The following NUDT3 variants were observed in gnomAD, a reference collection of about 807,000 sequenced individuals.
NUDT3 encodes the protein nudix hydrolase 3.
Under a neutral mutation model 23.6 loss-of-function variants are expected in NUDT3, and 9 were observed. The ratio of observed to expected loss-of-function variants is 0.38; its 90% CI spans 0.23 to 0.66. The LOEUF (loss-of-function observed/expected upper bound fraction) is 0.66, where lower values mean the gene tolerates loss of function less well. NUDT3 is among the 30% of genes least tolerant of loss of function. The pLI is 0.52. For synonymous variants in NUDT3, 86 were observed against 82.6 expected (o/e 1.04, Z -0.22); for missense variants, 172 against 218.5 (o/e 0.79, Z 1.34).
chr6:34,301,777 C>T (rs890559977), intron 2 of NUDT3, among the ~76,000 whole-genome samples: 1 of 151,860 alleles, frequency 6.6e-6, no homozygotes, highest in Non-Finnish European at 1.5e-5. Context: ...CTGATACACT[C>T]TCCAAAGTAC....
chr6:34,381,429 C>A (rs961640155), intron 1 of NUDT3, among the ~76,000 whole-genome samples: 1 of 151,240 alleles, frequency 6.6e-6, no homozygotes, highest in Admixed American at 6.6e-5. Context: ...CTTTTGTAAC[C>A]AAAAATAATA....
intron 1 of NUDT3, among the ~76,000 whole-genome samples, chr6:34,358,903 C>A (rs926367475): frequency 6.6e-6 from 1 of 152,104 alleles, no homozygotes; most frequent in Non-Finnish European, 1.5e-5. Context: ...ATAGTTATTG[C>A]AAGGAAAATA....
At chr6:34,313,240 A>G (rs1202217624) in intron 2 of NUDT3, among the ~76,000 whole-genome samples, 1 of 152,174 alleles carries the variant, frequency 6.6e-6, no homozygotes, top group Non-Finnish European at 1.5e-5. Context: ...TACTAAGTGG[A>G]AGAAGTCAAT....
At chr6:34,315,421 G>A (rs1340149701) in intron 2 of NUDT3, among the ~76,000 whole-genome samples, 1 of 152,164 alleles carries the variant, frequency 6.6e-6, no homozygotes, top group Non-Finnish European at 1.5e-5. Context: ...TTTGAAAGCT[G>A]CAATAAGCTG....
intron 1 of NUDT3, among the ~76,000 whole-genome samples, chr6:34,365,246 A>G (rs975670334): frequency 1.3e-5 from 2 of 151,900 alleles, no homozygotes; most frequent in African/African-American, 4.8e-5. Flanking sequence ...CCTGGCCAAC[A>G]TGATGAAACC....
intron 2 of NUDT3, among the ~76,000 whole-genome samples, chr6:34,333,745 C>T (rs927220684): frequency 2.0e-5 from 3 of 152,330 alleles, no homozygotes; most frequent in Admixed American, 1.3e-4. Context: ...ACTCTGAGCA[C>T]AGCTAAGAGA....
chr6:34,335,953 A>T (rs991470898), intron 2 of NUDT3, among the ~76,000 whole-genome samples: 10 of 152,098 alleles, frequency 6.6e-5, no homozygotes, highest in African/African-American at 1.9e-4. Flanking sequence ...GAGTACAGTG[A>T]CATTTTGCTA....
At chr6:34,358,924 A>C (rs937703699) in intron 1 of NUDT3, among the ~76,000 whole-genome samples, 1 of 152,248 alleles carries the variant, frequency 6.6e-6, no homozygotes, top group African/African-American at 2.4e-5. Flanking sequence ...TTTTTATGTA[A>C]TTTCAAGTAC....
chr6:34,298,920 C>T (rs1211516048), intron 2 of NUDT3, among the ~76,000 whole-genome samples: 3 of 152,100 alleles, frequency 2.0e-5, no homozygotes, highest in Non-Finnish European at 4.4e-5. Flanking sequence ...GGAAGAGGTC[C>T]CCCCTTTAGT....
rs537343936 is a variant in NUDT3 at position 34,280,282 on chromosome 6, C to G, written c.*8471G>C. ...ACACGGGGAAGAGGCCAGCCCTGAGCGGGCAAGAAGAAAAGCTTGAACTTT... is the reference window on the plus strand; with the variant it reads ...ACACGGGGAAGAGGCCAGCCCTGAGGGGGCAAGAAGAAAAGCTTGAACTTT... On this transcript the variant is annotated 3_prime_UTR_variant, in exon 5 of 5. Coordinates refer to ENST00000607016, the MANE Select transcript of NUDT3 (RefSeq NM_006703.4). The G allele has an allele frequency of 6.6e-6, 1 of 152,208 alleles. No homozygotes were observed. The highest frequency in any genetic ancestry group is 2.4e-5 in the African/African-American group (1 of 41,440). 9.4% of individuals were successfully genotyped at this position (152,208 alleles called of 1,614,324 possible). A position where few individuals can be genotyped will look rare whatever the true frequency, so the allele number is the denominator to read the frequency against.
At chr6:34,300,254 C>T (rs565150527) in intron 2 of NUDT3, among the ~76,000 whole-genome samples, 7 of 152,292 alleles carry the variant, frequency 4.6e-5, no homozygotes. Flanking sequence ...GGAATCCTGA[C>T]TTTGTTGGCA....
At chr6:34,379,270 T>G (rs1410880001) in intron 1 of NUDT3, among the ~76,000 whole-genome samples, 1 of 152,130 alleles carries the variant, frequency 6.6e-6, no homozygotes, top group Admixed American at 6.5e-5. Context: ...ATTATAAAAG[T>G]AATCCATGGT....
chr6:34,307,000 C>G (rs1386535589), intron 2 of NUDT3, among the ~76,000 whole-genome samples: 1 of 152,046 alleles, frequency 6.6e-6, no homozygotes. Flanking sequence ...AACAATGTGG[C>G]CTATGCGCAA....
intron 2 of NUDT3, among the ~76,000 whole-genome samples, chr6:34,333,243 T>A (rs1038651074): frequency 6.6e-6 from 1 of 152,248 alleles, no homozygotes; most frequent in African/African-American, 2.4e-5. Context: ...GTCAAATGCT[T>A]CAGATTTATC....
At chr6:34,317,307 C>G (rs1381522695) in intron 2 of NUDT3, among the ~76,000 whole-genome samples, 1 of 152,028 alleles carries the variant, frequency 6.6e-6, no homozygotes, top group African/African-American at 2.4e-5. Flanking sequence ...AGATTACTCA[C>G]CCATCCACAC....
chr6:34,375,789 T>C (rs3798560), intron 1 of NUDT3, among the ~76,000 whole-genome samples: 49,628 of 152,044 alleles, frequency 0.33, 9,740 homozygotes, highest in African/African-American at 0.51. Flanking sequence ...ATCTTACCAT[T>C]CTTCTAACAG....
chr6:34,326,605 T>G (rs532660586), intron 2 of NUDT3, among the ~76,000 whole-genome samples: 1 of 152,188 alleles, frequency 6.6e-6, no homozygotes, highest in East Asian at 1.9e-4. Flanking sequence ...CAGCTTTTTT[T>G]TTTTCTTTTT....
intron 1 of NUDT3, among the ~76,000 whole-genome samples, chr6:34,374,544 T>C (rs1382840402): frequency 6.6e-6 from 1 of 152,194 alleles, no homozygotes; most frequent in East Asian, 1.9e-4. Context: ...ATTTTTTTTT[T>C]AATGCCTGCA....
Position 34,346,432 on chromosome 6 carries a change from T to G in NUDT3, c.100-4460A>C, listed in dbSNP as rs115478925. Among the ~76,000 whole-genome samples, 219 of 152,216 alleles carry G rather than the reference T, an allele frequency of 1.4e-3. 1 individual carries two copies. The highest frequency in any genetic ancestry group is 4.9e-3 in the African/African-American group (204 of 41,504). ...TCAAAGGCTGACTAAGGCCATCCAA[T>G]GAAGTTACAGTCCAAAAGAAAAACC... On this transcript the variant is annotated intron_variant, in intron 1 of 4. Transcript: ENST00000607016.
Sources: allele counts gnomAD v4.1 joint callset (sites outside exome capture counted in the v4.1 genomes callset), GRCh38; gene constraint gnomAD v4.1.1; transcripts MANE v1.5; gene names NCBI Gene and HGNC (gene_info 2026-07-23, HGNC 2026-07-21).